Variants in PTPRD observed in about 807,000 individuals in gnomAD.
PTPRD encodes the protein receptor-type tyrosine-protein phosphatase delta.
Under a neutral mutation model 214.5 loss-of-function variants are expected in PTPRD, and 34 were observed. The observed-to-expected ratio is 0.16, with a 90% CI of 0.12 to 0.21. PTPRD has a LOEUF of 0.21. Ranked by LOEUF, PTPRD falls within the 10% of genes least tolerant of loss-of-function variation. The pLI is 1.00. For missense variants in PTPRD, 2,545 were observed against 2,398.7 expected (o/e 1.06, Z -1.27); for synonymous variants, 1,128 against 845.7 (o/e 1.33, Z -5.79).
At chr9:8,872,950 T>C (rs528318035) in intron 11 of PTPRD, among the ~76,000 whole-genome samples, 1 of 152,068 alleles carries the variant, frequency 6.6e-6, no homozygotes. Flanking sequence ...CGGTGGAAAA[T>C]AGAGTTACTC....
chr9:8,819,283 T>C (rs562455296), intron 11 of PTPRD, among the ~76,000 whole-genome samples: 1 of 152,310 alleles, frequency 6.6e-6, no homozygotes, highest in East Asian at 1.9e-4. Flanking sequence ...AAAAGCTCAT[T>C]CTAATACAAC....
chr9:9,182,986 C>G (rs1363821222), intron 10 of PTPRD, among the ~76,000 whole-genome samples: 4 of 151,906 alleles, frequency 2.6e-5, no homozygotes, highest in African/African-American at 9.7e-5. Context: ...CTATAAGCAT[C>G]TGCTGCTTCA....
intron 12 of PTPRD, among the ~76,000 whole-genome samples, chr9:8,710,474 G>C (rs2098308923): frequency 6.6e-6 from 1 of 152,080 alleles, no homozygotes; most frequent in South Asian, 2.1e-4. Flanking sequence ...AAATTAGCAA[G>C]GAATGGTGGC....
At chr9:10,147,949 G>A (rs1564129141) in intron 3 of PTPRD, among the ~76,000 whole-genome samples, 1 of 152,094 alleles carries the variant, frequency 6.6e-6, no homozygotes, top group Non-Finnish European at 1.5e-5. Context: ...TGGTAGCAAG[G>A]TCTGAGCCCA....
At chr9:8,508,331 A>G (rs113425483) in intron 21 of PTPRD, among the ~76,000 whole-genome samples, 4 of 152,224 alleles carry the variant, frequency 2.6e-5, no homozygotes, top group African/African-American at 9.6e-5. Flanking sequence ...TAAACTTTCT[A>G]GTCCACACCT....
chr9:10,208,907 C>T (rs1037456385), intron 3 of PTPRD, among the ~76,000 whole-genome samples: 1 of 152,138 alleles, frequency 6.6e-6, no homozygotes, highest in Non-Finnish European at 1.5e-5. Context: ...CCTACCGGAC[C>T]ATTTATTCAT....
At chr9:10,071,128 T>C (rs564388251) in intron 3 of PTPRD, among the ~76,000 whole-genome samples, 101 of 152,154 alleles carry the variant, frequency 6.6e-4, no homozygotes, top group African/African-American at 2.4e-3. Flanking sequence ...TCTAAATACA[T>C]GGAGAGAGAT....
In PTPRD at chr9:8,938,712, G is replaced by GA. The variant is rs1354223670; in HGVS notation, c.-104+79984dup. 8.2e-3 allele frequency among the ~76,000 whole-genome samples: 1,183 copies of GA among 144,372 alleles called. 8 individuals are homozygous for GA. Among genetic ancestry groups the GA allele is most frequent in the African/African-American group, 0.021 (825 of 39,614 alleles). The allele number at this position is 144,372 out of a possible 152,430, so 94.7% of individuals were successfully genotyped here. A position where few individuals can be genotyped will look rare whatever the true frequency, so the allele number is the denominator to read the frequency against. On this transcript the variant is annotated intron_variant, in intron 11 of 45. Coordinates refer to ENST00000381196, the MANE Select transcript of PTPRD (RefSeq NM_002839.4). The stretch of plus-strand genomic sequence containing the variant: ...TACAAAGGGTCCACTAAGAGGCCAA[G>GA]AAAAAAAAAAAGTCAGTACCATTAC...
chr9:10,249,835 T>C (rs977591360), intron 3 of PTPRD, among the ~76,000 whole-genome samples: 36 of 152,268 alleles, frequency 2.4e-4, no homozygotes, highest in Non-Finnish European at 4.9e-4. Context: ...TCACAGTCTA[T>C]AGATGGCAGG....
At chr9:9,943,508 T>A (rs1477162233) in intron 4 of PTPRD, among the ~76,000 whole-genome samples, 1 of 152,196 alleles carries the variant, frequency 6.6e-6, no homozygotes, top group Non-Finnish European at 1.5e-5. Flanking sequence ...CAACAAAAAT[T>A]ACTGTCTTCA....
At chr9:9,318,349 G>T in intron 9 of PTPRD, among the ~76,000 whole-genome samples, 1 of 151,926 alleles carries the variant, frequency 6.6e-6, no homozygotes, top group Middle Eastern at 3.2e-3. Flanking sequence ...GGAAAGTAGT[G>T]AACTTCTTTG....
At chr9:9,733,522 A>G (rs759871200) in intron 7 of PTPRD, among the ~76,000 whole-genome samples, 4 of 152,330 alleles carry the variant, frequency 2.6e-5, no homozygotes, top group Non-Finnish European at 4.4e-5. Context: ...TGAAATGATT[A>G]TAACATATTG....
chr9:10,129,723 T>C (rs961999127), intron 3 of PTPRD, among the ~76,000 whole-genome samples: 1 of 152,154 alleles, frequency 6.6e-6, no homozygotes, highest in Non-Finnish European at 1.5e-5. Flanking sequence ...AGTAGCAAAG[T>C]AAAGTCTTGT....
At chr9:9,328,447 T>C (rs548498794) in intron 9 of PTPRD, among the ~76,000 whole-genome samples, 2 of 152,128 alleles carry the variant, frequency 1.3e-5, no homozygotes, top group East Asian at 3.9e-4. Flanking sequence ...TTCCATCTTA[T>C]TATATTTCTT....
intron 9 of PTPRD, among the ~76,000 whole-genome samples, chr9:9,344,338 G>A (rs916016879): frequency 6.6e-6 from 1 of 151,862 alleles, no homozygotes; most frequent in Non-Finnish European, 1.5e-5. Context: ...GGTTTGGGGG[G>A]AAAGGGGAGA....
At chr9:8,608,121 C>CT (rs540724494) in intron 14 of PTPRD, among the ~76,000 whole-genome samples, 11,542 of 140,128 alleles carry the variant, frequency 0.082, 1,305 homozygotes, top group African/African-American at 0.27. Flanking sequence ...ATTTCTAAAC[C>CT]TTTTTTTTTT....
intron 12 of PTPRD, among the ~76,000 whole-genome samples, chr9:8,657,399 C>T (rs1271017914): frequency 6.6e-6 from 1 of 152,048 alleles, no homozygotes; most frequent in Non-Finnish European, 1.5e-5. Context: ...GAACTCCTGA[C>T]CTCAGGCTAT....
Position 9,841,367 on chromosome 9 carries a change from C to CT in PTPRD, c.-367-74517dup, listed in dbSNP as rs535077151. On this transcript the variant is annotated intron_variant, in intron 5 of 45. Transcript: ENST00000381196. ...CTAGCTATATAACTTGTGCAAGTTA[C>CT]TTTTTTTTCTAAGTCTTCTGTTCCT... 3.3e-5 allele frequency among the ~76,000 whole-genome samples: 5 copies of CT among 151,960 alleles called. No individual in the cohort carries two copies. The South Asian group carries it at 6.2e-4, about 19-fold the overall frequency.
At chr9:10,222,766 G>A (rs577037012) in intron 3 of PTPRD, among the ~76,000 whole-genome samples, 3 of 152,074 alleles carry the variant, frequency 2.0e-5, no homozygotes, top group African/African-American at 4.8e-5. Flanking sequence ...TTCAGTATAT[G>A]AAAATAGGTA....
Sources: allele counts gnomAD v4.1 joint callset (sites outside exome capture counted in the v4.1 genomes callset), GRCh38; gene constraint gnomAD v4.1.1; transcripts MANE v1.5; gene names NCBI Gene and HGNC (gene_info 2026-07-23, HGNC 2026-07-21).